ZNF644: variants seen among roughly 807,000 people sequenced by gnomAD.
ZNF644 encodes the protein zinc finger protein 644.
In ZNF644, 20 loss-of-function variants were observed where a neutral mutation model predicts 108.0. That is an observed-to-expected ratio of 0.19 (90% CI 0.13 to 0.27). The LOEUF (loss-of-function observed/expected upper bound fraction) is 0.27. Ranked by LOEUF, ZNF644 falls within the 10% of genes least tolerant of loss-of-function variation. ZNF644 has a pLI of 1.00. For missense variants in ZNF644, 1,338 were observed against 1,548.9 expected (o/e 0.86, Z 2.29); for synonymous variants, 542 against 539.1 (o/e 1.01, Z -0.08).
At chr1:90,918,749 T>C (rs1028637847) in intron 4 of ZNF644, among the ~76,000 whole-genome samples, 14 of 152,114 alleles carry the variant, frequency 9.2e-5, no homozygotes, top group African/African-American at 2.9e-4. Flanking sequence ...TGGCCCTACA[T>C]TTGAAAGGAC....
chr1:90,961,638 G>A (rs766418608), intron 2 of ZNF644, among the ~76,000 whole-genome samples: 1 of 151,842 alleles, frequency 6.6e-6, no homozygotes, highest in Non-Finnish European at 1.5e-5. Flanking sequence ...TAAAACAATG[G>A]TACTCTTCTC....
chr1:91,012,278 G>A lies in ZNF644; in HGVS notation c.-18+9712C>T, dbSNP rs75612820. ...AGTTTAGAAACAAAAACTCCAGCCC[G>A]GGCAACATGGTAAAACCCTATCTCT... On this transcript the variant is annotated intron_variant, in intron 1 of 5. Transcript: ENST00000337393. Among the ~76,000 whole-genome samples, 259 of 151,216 alleles carry A rather than the reference G, an allele frequency of 1.7e-3. 2 individuals are homozygous for A. Among genetic ancestry groups the A allele is most frequent in the African/African-American group, 6.1e-3 (249 of 41,136 alleles).
intron 1 of ZNF644, among the ~76,000 whole-genome samples, chr1:91,017,661 C>T (rs1209466111): frequency 6.6e-6 from 1 of 152,104 alleles, no homozygotes; most frequent in African/African-American, 2.4e-5. Context: ...CCAGGAAGTT[C>T]AAAAAGGATA....
rs1295424360 is a variant in ZNF644 at position 90,939,742 on chromosome 1, T to C, written c.1612A>G (p.Asn538Asp). ...EECNFMAVTE[N>D]ELECHRGIAH... ...ATGCCTCGATGGCATTCCAATTCAT[T>C]TTCTGTCACTGCCATGAAGTTACAC... The change falls in exon 3 of 6, where the codon AAT (asparagine) becomes GAT (aspartate). Residue 538 changes from asparagine to aspartate, a missense_variant. This residue lies in a region of ZNF644 where 80 missense variants were observed against 183.0 expected (regional missense o/e 0.44). Coordinates refer to ENST00000337393, the MANE Select transcript of ZNF644 (RefSeq NM_201269.3). The C allele has an allele frequency of 2.5e-6, 4 of 1,613,930 alleles. No homozygotes were observed. Among genetic ancestry groups the C allele is most frequent in the Admixed American group, 1.7e-5 (1 of 60,008 alleles).
intron 2 of ZNF644, among the ~76,000 whole-genome samples, chr1:90,960,085 C>T (rs1654176307): frequency 6.6e-6 from 1 of 152,064 alleles, no homozygotes; most frequent in East Asian, 1.9e-4. Flanking sequence ...TACTTTTGTT[C>T]AAGAACCTTT....
chr1:90,992,311 T>A (rs1473363350), intron 1 of ZNF644, among the ~76,000 whole-genome samples: 1 of 151,608 alleles, frequency 6.6e-6, no homozygotes, highest in Non-Finnish European at 1.5e-5. Context: ...CTGTTAAAAA[T>A]TCACAGTATA....
At chr1:91,001,487 C>A (rs1392669871) in intron 1 of ZNF644, among the ~76,000 whole-genome samples, 1 of 152,074 alleles carries the variant, frequency 6.6e-6, no homozygotes, top group Non-Finnish European at 1.5e-5. Context: ...ATTCAACAGC[C>A]CTTCATGCTA....
At chr1:90,926,583 G>A (rs1437911008) in intron 4 of ZNF644, among the ~76,000 whole-genome samples, 1 of 152,192 alleles carries the variant, frequency 6.6e-6, no homozygotes, top group Non-Finnish European at 1.5e-5. Flanking sequence ...TTGAAGTGTT[G>A]CTAGTAAATG....
At chr1:90,941,718 G>C (rs569414180) in intron 2 of ZNF644, among the ~76,000 whole-genome samples, 1 of 152,106 alleles carries the variant, frequency 6.6e-6, no homozygotes, top group African/African-American at 2.4e-5. Flanking sequence ...ACTTAAGTAG[G>C]TTTATCAGAG....
chr1:91,005,813 T>C (rs1019921677), intron 1 of ZNF644, among the ~76,000 whole-genome samples: 4 of 151,410 alleles, frequency 2.6e-5, no homozygotes, highest in Non-Finnish European at 5.9e-5. Context: ...ATGACTACAT[T>C]AAAAAAAATC....
chr1:90,980,900 G>GTTACCATAT (rs1656481661), intron 2 of ZNF644, among the ~76,000 whole-genome samples: 1 of 152,094 alleles, frequency 6.6e-6, no homozygotes, highest in Admixed American at 6.5e-5. Context: ...ACATATGAAT[G>GTTACCATAT]TGTATGTGAA....
At chr1:90,979,526 CA>C (rs1172950332) in intron 2 of ZNF644, among the ~76,000 whole-genome samples, 2 of 152,102 alleles carry the variant, frequency 1.3e-5, no homozygotes, top group African/African-American at 2.4e-5. Context: ...TACATATCTA[CA>C]ATTTAAAAAA....
chr1:90,975,331 A>G (rs1270859872), intron 2 of ZNF644, among the ~76,000 whole-genome samples: 1 of 152,186 alleles, frequency 6.6e-6, no homozygotes, highest in Non-Finnish European at 1.5e-5. Context: ...AATTACAATC[A>G]CCAATTCATA....
chr1:90,918,313 C>T, intron 4 of ZNF644, 159 bp from the exon 5 acceptor site: 1 of 671,884 alleles, frequency 1.5e-6, no homozygotes, highest in Non-Finnish European at 2.7e-6. Context: ...CTTGCTGATT[C>T]TGTAATAGCA....
intron 2 of ZNF644, among the ~76,000 whole-genome samples, chr1:90,962,278 A>G (rs573497016): frequency 1.3e-5 from 2 of 152,128 alleles, no homozygotes; most frequent in African/African-American, 4.8e-5. Flanking sequence ...TAATTAAAAC[A>G]CCATAGTGTT....
chr1:90,978,120 G>C (rs1656188239), intron 2 of ZNF644, among the ~76,000 whole-genome samples: 2 of 152,194 alleles, frequency 1.3e-5, no homozygotes, highest in African/African-American at 4.8e-5. Context: ...GGGAGGCTGA[G>C]GCCGGTGGAT....
At chr1:90,969,987 A>G (rs1214408223) in intron 2 of ZNF644, among the ~76,000 whole-genome samples, 2 of 152,314 alleles carry the variant, frequency 1.3e-5, no homozygotes, top group Non-Finnish European at 2.9e-5. Context: ...ATATACATGA[A>G]TATTTCTATC....
chr1:91,013,541 C>G (rs1414281706), intron 1 of ZNF644, among the ~76,000 whole-genome samples: 6 of 151,870 alleles, frequency 4.0e-5, no homozygotes, highest in African/African-American at 1.5e-4. Context: ...TGGATTCAAG[C>G]CACTCTATTA....
intron 2 of ZNF644, among the ~76,000 whole-genome samples, chr1:90,964,795 T>C (rs1011470683): frequency 1.3e-5 from 2 of 151,952 alleles, no homozygotes; most frequent in African/African-American, 4.8e-5. Flanking sequence ...ATAGAAGAGG[T>C]CTTTTTTTTT....
Sources: gnomAD v4.1 joint callset for allele counts (sites outside exome capture counted in the v4.1 genomes callset) on GRCh38, gnomAD v4.1.1 for gene constraint, gnomAD v4.1.1 regional missense constraint, MANE v1.5 for transcripts, NCBI Gene and HGNC (gene_info 2026-07-23, HGNC 2026-07-21) for gene names.